POFUT3: variants seen among roughly 807,000 people sequenced by gnomAD.
POFUT3 encodes the protein GDP-fucose protein O-fucosyltransferase 3.
At chr8:33,354,059 G>T in the POFUT3 span, among the ~76,000 whole-genome samples, 2 of 151,870 alleles carry the variant, frequency 1.3e-5, no homozygotes, top group African/African-American at 4.8e-5. Flanking sequence ...ACTTGTTATT[G>T]TCATCCCCCT....
At chr8:33,453,611 G>T in the POFUT3 span, 2 of 981,754 alleles carry the variant, frequency 2.0e-6, no homozygotes, top group Non-Finnish European at 3.1e-6. Flanking sequence ...GTTTTCAATT[G>T]CTGCTGTAAC....
chr8:33,462,740 G>A, the POFUT3 span, among the ~76,000 whole-genome samples: 1 of 151,984 alleles, frequency 6.6e-6, no homozygotes, highest in African/African-American at 2.4e-5. Context: ...GACCAGCCTG[G>A]GCAACATAGT....
the POFUT3 span, among the ~76,000 whole-genome samples, chr8:33,441,459 T>C: frequency 6.7e-6 from 1 of 148,886 alleles, no homozygotes; most frequent in African/African-American, 2.5e-5. Context: ...TGGCTCACTG[T>C]AACCTCTGCC....
chr8:33,449,331 C>A, the POFUT3 span, among the ~76,000 whole-genome samples: 3 of 128,356 alleles, frequency 2.3e-5, no homozygotes, highest in African/African-American at 9.4e-5. Context: ...ACTCTGTCAC[C>A]CAGGCTGGAG....
chr8:33,436,179 AGG>A, the POFUT3 span: 74 of 1,251,048 alleles, frequency 5.9e-5, no homozygotes, highest in Non-Finnish European at 7.9e-5. Context: ...ACGGTTCCTA[AGG>A]GACTGAATGC....
chr8:33,429,481 T>C, the POFUT3 span, among the ~76,000 whole-genome samples: 7 of 152,178 alleles, frequency 4.6e-5, no homozygotes, highest in African/African-American at 1.7e-4. Flanking sequence ...GCTTCTTTCT[T>C]CCAAGGAATA....
chr8:33,462,561 T>G, the POFUT3 span, among the ~76,000 whole-genome samples: 1 of 152,198 alleles, frequency 6.6e-6, no homozygotes. Context: ...TGGAGCAATA[T>G]TATTCTTTGG....
the POFUT3 span, among the ~76,000 whole-genome samples, chr8:33,448,652 G>A: frequency 1.1e-4 from 17 of 151,986 alleles, no homozygotes; most frequent in African/African-American, 3.9e-4. Context: ...TCTAAGTCTC[G>A]GCAGGGCATG....
chr8:33,389,205 C>T, the POFUT3 span: 6 of 1,613,894 alleles, frequency 3.7e-6, no homozygotes, highest in South Asian at 4.4e-5. Flanking sequence ...AATTCTGATA[C>T]AAGAATAGCA....
the POFUT3 span, among the ~76,000 whole-genome samples, chr8:33,445,149 G>A: frequency 9.2e-5 from 14 of 151,956 alleles, no homozygotes; most frequent in African/African-American, 3.4e-4. Flanking sequence ...GTCCAGGCTG[G>A]TCTCAAACTC....
At chr8:33,343,893 C>T in the POFUT3 span, among the ~76,000 whole-genome samples, 1 of 152,212 alleles carries the variant, frequency 6.6e-6, no homozygotes, top group Admixed American at 6.5e-5. Flanking sequence ...TCTCATATGG[C>T]AGAAAGTGGT....
At chr8:33,427,543 C>T in the POFUT3 span, among the ~76,000 whole-genome samples, 1 of 151,876 alleles carries the variant, frequency 6.6e-6, no homozygotes, top group African/African-American at 2.4e-5. Context: ...CACGCCATTG[C>T]ACTCCAGCCT....
At chr8:33,446,790 T>C in the POFUT3 span, among the ~76,000 whole-genome samples, 1 of 152,172 alleles carries the variant, frequency 6.6e-6, no homozygotes, top group Non-Finnish European at 1.5e-5. Context: ...GTCAATGCCA[T>C]TCGGTTCATT....
chr8:33,336,037 T>C, the POFUT3 span, among the ~76,000 whole-genome samples: 2 of 152,102 alleles, frequency 1.3e-5, no homozygotes, highest in Non-Finnish European at 2.9e-5. Context: ...TGTTCAAAGG[T>C]CAACTGTCGT....
chr8:33,442,294 T>G, the POFUT3 span, among the ~76,000 whole-genome samples: 1 of 142,310 alleles, frequency 7.0e-6, no homozygotes, highest in Non-Finnish European at 1.5e-5. Context: ...CTTTCTCTTT[T>G]TTTTTTGGGG....
the POFUT3 span, chr8:33,461,347 A>G: frequency 5.0e-6 from 8 of 1,591,144 alleles, no homozygotes; most frequent in South Asian, 1.1e-5. Context: ...AGCTATCAAC[A>G]CTACACAACC....
chr8:33,372,186 T>C, the POFUT3 span: 1 of 996,884 alleles, frequency 1.0e-6, no homozygotes, highest in Non-Finnish European at 1.2e-6. Flanking sequence ...GGCTGCAGGA[T>C]ACCAGGTTTG....
At chr8:33,326,123 A>G in the POFUT3 span, among the ~76,000 whole-genome samples, 2 of 152,134 alleles carry the variant, frequency 1.3e-5, no homozygotes, top group Non-Finnish European at 2.9e-5. Context: ...TTTTCCCCTA[A>G]CACTTTATAC....
At chr8:33,335,954 G>A in the POFUT3 span, among the ~76,000 whole-genome samples, 1 of 152,048 alleles carries the variant, frequency 6.6e-6, no homozygotes, top group African/African-American at 2.4e-5. Context: ...GAGGAGGCAG[G>A]AGAGGCAGGC....
Sources: gnomAD v4.1 joint callset for allele counts (sites outside exome capture counted in the v4.1 genomes callset) on GRCh38, gnomAD v4.1.1 for gene constraint, MANE v1.5 for transcripts, NCBI Gene and HGNC (gene_info 2026-07-23, HGNC 2026-07-21) for gene names.